The following GRID2 variants were observed in gnomAD, a reference collection of about 807,000 sequenced individuals.
GRID2 encodes the protein glutamate receptor ionotropic, delta-2.
GRID2 carries 33 observed loss-of-function variants against 114.8 expected under a neutral mutation model. That is an observed-to-expected ratio of 0.29 (90% CI 0.22 to 0.38). GRID2 has a LOEUF of 0.38. GRID2 is among the 10% of genes least tolerant of loss of function. GRID2 has a pLI of 1.00. For missense variants in GRID2, 1,184 were observed against 1,257.7 expected (o/e 0.94, Z 0.89); for synonymous variants, 505 against 449.9 (o/e 1.12, Z -1.55).
At chr4:93,707,990 G>C (rs1183145701) in intron 14 of GRID2, among the ~76,000 whole-genome samples, 2 of 151,768 alleles carry the variant, frequency 1.3e-5, no homozygotes, top group Non-Finnish European at 2.9e-5. Context: ...CCATATGTTT[G>C]TATAATTTTC....
At chr4:92,672,366 A>C (rs1049329688) in intron 2 of GRID2, among the ~76,000 whole-genome samples, 4 of 152,126 alleles carry the variant, frequency 2.6e-5, no homozygotes, top group Admixed American at 6.6e-5. Flanking sequence ...CCATTACTAC[A>C]TCTGAATTTA....
chr4:92,513,865 A>G (rs1579498037), intron 1 of GRID2, among the ~76,000 whole-genome samples: 1 of 152,092 alleles, frequency 6.6e-6, no homozygotes, highest in Admixed American at 6.6e-5. Flanking sequence ...TGTGAGTTTA[A>G]TGTACTGTGT....
At chr4:93,456,084 A>C (rs1723162016) in intron 11 of GRID2, 110 bp downstream of exon 11, 1 of 678,576 alleles carries the variant, frequency 1.5e-6, no homozygotes, top group Admixed American at 2.4e-5. Context: ...AGTGTTCTAA[A>C]GGGTACTCAC....
At chr4:93,598,313 C>T (rs1268388679) in intron 13 of GRID2, among the ~76,000 whole-genome samples, 1 of 152,096 alleles carries the variant, frequency 6.6e-6, no homozygotes, top group African/African-American at 2.4e-5. Context: ...GCTGCTATCC[C>T]TCCCCCCATA....
chr4:92,452,249 A>G (rs908677758), intron 1 of GRID2, among the ~76,000 whole-genome samples: 2 of 151,976 alleles, frequency 1.3e-5, no homozygotes, highest in African/African-American at 2.4e-5. Context: ...AATGTTCTCT[A>G]TTATTAATGT....
At chr4:92,382,617 A>C (rs1052564075) in intron 1 of GRID2, among the ~76,000 whole-genome samples, 3 of 152,058 alleles carry the variant, frequency 2.0e-5, no homozygotes, top group Non-Finnish European at 4.4e-5. Flanking sequence ...TAATAGAATG[A>C]GTTATTGATT....
chr4:92,794,905 T>TATATATATATATATATATACACACACAC (rs745392261), intron 2 of GRID2, among the ~76,000 whole-genome samples: 1 of 127,816 alleles, frequency 7.8e-6, no homozygotes, highest in African/African-American at 3.1e-5. Flanking sequence ...TATATATATA[T>TATATATATATATATATATACACACACAC]ACACACACAC....
intron 1 of GRID2, among the ~76,000 whole-genome samples, chr4:93,785,758 T>G (rs1734578870): frequency 6.6e-6 from 1 of 152,082 alleles, no homozygotes; most frequent in Non-Finnish European, 1.5e-5. Context: ...GGAAAAGACC[T>G]AAGAGAGGCA....
At chr4:93,309,502 C>T (rs1489968496) in intron 8 of GRID2, among the ~76,000 whole-genome samples, 1 of 151,974 alleles carries the variant, frequency 6.6e-6, no homozygotes, top group Non-Finnish European at 1.5e-5. Context: ...AGAGCCACTG[C>T]ACTCCAGCCT....
intron 2 of GRID2, among the ~76,000 whole-genome samples, chr4:92,906,954 G>A (rs1043366219): frequency 2.0e-5 from 3 of 152,094 alleles, no homozygotes; most frequent in South Asian, 4.2e-4. Flanking sequence ...CACACCAGAC[G>A]TACTCAACGA....
intron 4 of GRID2, among the ~76,000 whole-genome samples, chr4:93,114,983 T>C (rs1733101143): frequency 6.6e-6 from 1 of 151,836 alleles, no homozygotes; most frequent in South Asian, 2.1e-4. Context: ...TTAGCCAGAG[T>C]CAGAACAAAT....
chr4:92,979,321 T>C (rs901955967), intron 2 of GRID2, among the ~76,000 whole-genome samples: 1 of 151,996 alleles, frequency 6.6e-6, no homozygotes, highest in African/African-American at 2.4e-5. Flanking sequence ...TAAAATCAAA[T>C]ATGTAGCTCC....
chr4:92,420,734 G>T (rs1731862457), intron 1 of GRID2, among the ~76,000 whole-genome samples: 1 of 152,166 alleles, frequency 6.6e-6, no homozygotes, highest in Admixed American at 6.5e-5. Context: ...GCCCAGGCTG[G>T]AGTGTAGTGG....
chr4:92,518,317 T>C (rs545153727), intron 1 of GRID2, among the ~76,000 whole-genome samples: 1 of 152,012 alleles, frequency 6.6e-6, no homozygotes, highest in African/African-American at 2.4e-5. Context: ...ATACAAAAGC[T>C]CAGAATATAC....
intron 2 of GRID2, among the ~76,000 whole-genome samples, chr4:93,058,111 C>CAGTGAAGTTTCAAGTAAACTCA (rs6148572): frequency 6.6e-6 from 1 of 151,204 alleles, no homozygotes; most frequent in Non-Finnish European, 1.5e-5. Flanking sequence ...TTGCCAGATT[C>CAGTGAAGTTTCAAGTAAACTCA]AGTGAAGTTT....
At chr4:92,561,010 T>G (rs371505013) in intron 1 of GRID2, among the ~76,000 whole-genome samples, 1 of 151,506 alleles carries the variant, frequency 6.6e-6, no homozygotes. Flanking sequence ...ACCCGGCCGC[T>G]TTCTAATTTT....
intron 13 of GRID2, among the ~76,000 whole-genome samples, chr4:93,545,123 A>G (rs1286535465): frequency 6.6e-6 from 1 of 152,214 alleles, no homozygotes; most frequent in East Asian, 1.9e-4. Flanking sequence ...GCCTTGTGAT[A>G]CAGTGGTGAA....
chr4:93,381,044 C>T (rs1180036386), intron 8 of GRID2, among the ~76,000 whole-genome samples: 1 of 151,800 alleles, frequency 6.6e-6, no homozygotes, highest in Non-Finnish European at 1.5e-5. Flanking sequence ...TCTACCCCAG[C>T]CTTTAAAAAA....
intron 10 of GRID2, among the ~76,000 whole-genome samples, chr4:93,432,227 A>G (rs2149381352): frequency 6.6e-6 from 1 of 152,318 alleles, no homozygotes; most frequent in East Asian, 1.9e-4. Context: ...AGTTTACACA[A>G]CAGTGTGACT....
Sources: allele counts gnomAD v4.1 joint callset (sites outside exome capture counted in the v4.1 genomes callset), GRCh38; gene constraint gnomAD v4.1.1; transcripts MANE v1.5; gene names NCBI Gene and HGNC (gene_info 2026-07-23, HGNC 2026-07-21).